The following ULK4 variants were observed in gnomAD, a reference collection of about 807,000 sequenced individuals.
The protein encoded by ULK4 is unc-51 like kinase 4, also known as inactive serine/threonine-protein kinase ULK4.
A neutral mutation model predicts 160.6 loss-of-function variants in ULK4; 133 were observed. The ratio of observed to expected loss-of-function variants is 0.83; its 90% confidence interval spans 0.72 to 0.96. The LOEUF is 0.96. Ranked by LOEUF, ULK4 falls within the 40% of genes least tolerant of loss-of-function variation. The pLI is 0.00. For missense variants in ULK4, 1,580 were observed against 1,499.5 expected (o/e 1.05, Z -0.89); for synonymous variants, 534 against 539.8 (o/e 0.99, Z 0.15).
chr3:41,533,614 A>T (rs1307968403), intron 32 of ULK4, among the ~76,000 whole-genome samples: 1 of 152,172 alleles, frequency 6.6e-6, no homozygotes, highest in Non-Finnish European at 1.5e-5. Context: ...CCATTCTTTC[A>T]CAGATTCTCT....
intron 21 of ULK4, among the ~76,000 whole-genome samples, chr3:41,771,614 T>G (rs1211021296): frequency 7.0e-6 from 1 of 143,786 alleles, no homozygotes; most frequent in African/African-American, 3.0e-5. Flanking sequence ...TCATACTGTG[T>G]GCGAGTAAAA....
At chr3:41,671,376 T>C (rs60949167) in intron 29 of ULK4, among the ~76,000 whole-genome samples, 8,122 of 151,814 alleles carry the variant, frequency 0.053, 711 homozygotes, top group African/African-American at 0.19. Flanking sequence ...CAGCATGGTA[T>C]TGGTATAAAA....
chr3:41,824,799 C>A (rs1685977373), intron 18 of ULK4, among the ~76,000 whole-genome samples: 3 of 152,150 alleles, frequency 2.0e-5, no homozygotes, highest in South Asian at 4.1e-4. Flanking sequence ...TCCCTGTCTG[C>A]CAGCTTTGAA....
chr3:41,661,885 T>C (rs1288362001), intron 30 of ULK4, among the ~76,000 whole-genome samples: 1 of 152,138 alleles, frequency 6.6e-6, no homozygotes, highest in Non-Finnish European at 1.5e-5. Flanking sequence ...CAAATAACTG[T>C]TTCTACTTCT....
At chr3:41,879,317 G>A (rs997546353) in intron 17 of ULK4, among the ~76,000 whole-genome samples, 6 of 152,006 alleles carry the variant, frequency 3.9e-5, no homozygotes, top group African/African-American at 1.4e-4. Context: ...CTAGTAAAAT[G>A]ATATCATTTT....
At chr3:41,741,625 T>C (rs976610046) in intron 22 of ULK4, among the ~76,000 whole-genome samples, 4 of 151,970 alleles carry the variant, frequency 2.6e-5, no homozygotes, top group Admixed American at 2.0e-4. Context: ...GCAATGTGTA[T>C]TGTTAATAGT....
intron 1 of ULK4, among the ~76,000 whole-genome samples, chr3:41,958,499 C>A (rs1221675564): frequency 1.3e-5 from 2 of 150,294 alleles, no homozygotes; most frequent in African/African-American, 4.9e-5. Context: ...GTCACAAGTT[C>A]AGGACCAGGC....
chr3:41,615,112 T>C (rs969721860), intron 31 of ULK4, among the ~76,000 whole-genome samples: 1 of 152,208 alleles, frequency 6.6e-6, no homozygotes, highest in Non-Finnish European at 1.5e-5. Flanking sequence ...CCGCATCCCA[T>C]TTTATTCTCT....
chr3:41,647,079 T>G (rs1025106474), intron 30 of ULK4, among the ~76,000 whole-genome samples: 11 of 152,236 alleles, frequency 7.2e-5, no homozygotes, highest in Non-Finnish European at 1.3e-4. Flanking sequence ...TTGGTTATTC[T>G]AGTTATACAT....
At position 41,907,863 on chromosome 3, in the gene ULK4, C is replaced by CAGAGGAGAAG; in HGVS notation, c.1163_1164insCTTCTCCTCT (p.Lys388AsnfsTer53). 1 of 1,595,852 alleles carries CAGAGGAGAAG rather than the reference C, an allele frequency of 6.3e-7. No homozygotes were observed. Among genetic ancestry groups the CAGAGGAGAAG allele is most frequent in the South Asian group, 1.1e-5 (1 of 87,694 alleles). On this transcript the variant is annotated frameshift_variant, in exon 12 of 37. Coordinates refer to ENST00000301831, the MANE Select transcript of ULK4 (RefSeq NM_017886.4). LOFTEE classifies it high-confidence loss of function. Reference sequence around the variant, plus strand: ...TGCTCACCTTGGTCAGAGGAGAAGTCTTCTGTGGTGAACAGTGAGTCATAT... The same window carrying CAGAGGAGAAG: ...TGCTCACCTTGGTCAGAGGAGAAGTCAGAGGAGAAGTTCTGTGGTGAACAGTGAGTCATAT...
intron 35 of ULK4, among the ~76,000 whole-genome samples, chr3:41,338,950 T>G (rs937344426): frequency 6.6e-6 from 1 of 151,914 alleles, no homozygotes; most frequent in African/African-American, 2.4e-5. Context: ...AGGCCCTCAA[T>G]GGATTGGTGA....
intron 17 of ULK4, among the ~76,000 whole-genome samples, chr3:41,880,149 G>T (rs1159181404): frequency 2.0e-5 from 3 of 152,104 alleles, no homozygotes; most frequent in Non-Finnish European, 4.4e-5. Flanking sequence ...TTTAGAATTT[G>T]ATGGGTCTAT....
intron 17 of ULK4, among the ~76,000 whole-genome samples, chr3:41,846,197 G>C (rs1189806758): frequency 6.6e-6 from 1 of 151,962 alleles, no homozygotes; most frequent in Non-Finnish European, 1.5e-5. Context: ...ACAGATAATG[G>C]TTCTCCTCAA....
chr3:41,832,642 A>G (rs1193001823), intron 18 of ULK4, among the ~76,000 whole-genome samples: 5 of 152,164 alleles, frequency 3.3e-5, no homozygotes, highest in Non-Finnish European at 7.3e-5. Flanking sequence ...GGTACTGCCT[A>G]GGTTTTCTTC....
intron 17 of ULK4, among the ~76,000 whole-genome samples, chr3:41,856,696 A>AAGAGTTCAAGACC (rs2042373213): frequency 6.7e-6 from 1 of 149,172 alleles, no homozygotes; most frequent in Non-Finnish European, 1.5e-5. Flanking sequence ...AAAAGCATCT[A>AAGAGTTCAAGACC]AGAGTTCAAG....
intron 25 of ULK4, among the ~76,000 whole-genome samples, chr3:41,712,029 A>G (rs1363698459): frequency 1.3e-5 from 2 of 152,234 alleles, no homozygotes; most frequent in Non-Finnish European, 2.9e-5. Flanking sequence ...TCAAAGCTTG[A>G]TAATGGTTTA....
intron 34 of ULK4, among the ~76,000 whole-genome samples, chr3:41,446,833 A>T (rs1014682205): frequency 6.6e-6 from 1 of 151,992 alleles, no homozygotes; most frequent in Non-Finnish European, 1.5e-5. Flanking sequence ...TATATGTAAC[A>T]AACCTGTACG....
At chr3:41,593,061 T>A (rs1031186603) in intron 31 of ULK4, among the ~76,000 whole-genome samples, 1 of 152,242 alleles carries the variant, frequency 6.6e-6, no homozygotes, top group African/African-American at 2.4e-5. Context: ...AATCAGCTAT[T>A]TCTTCCCTAA....
At chr3:41,953,200 AAATTGTATTTTACTACTAT>A (rs1224018992) in intron 2 of ULK4, among the ~76,000 whole-genome samples, 1 of 150,850 alleles carries the variant, frequency 6.6e-6, no homozygotes, top group Non-Finnish European at 1.5e-5. Context: ...CAAATTTGTT[AAATTGTATTTTACTACTAT>A]ATACATATAT....
Sources: gnomAD v4.1 joint callset for allele counts (sites outside exome capture counted in the v4.1 genomes callset) on GRCh38, gnomAD v4.1.1 for gene constraint, MANE v1.5 for transcripts, NCBI Gene and HGNC (gene_info 2026-07-23, HGNC 2026-07-21) for gene names.